Variants in SLC9A8 observed in about 807,000 individuals in gnomAD.
SLC9A8 encodes sodium/hydrogen exchanger 8.
A neutral mutation model predicts 66.6 loss-of-function variants in SLC9A8; 48 were observed. The ratio of observed to expected loss-of-function variants is 0.72; its 90% CI spans 0.57 to 0.92. The LOEUF is 0.92. Among genes scored for constraint, SLC9A8 ranks in the 40% least tolerant of loss-of-function variants. SLC9A8 has a pLI of 0.00. For synonymous variants in SLC9A8, 274 were observed against 282.6 expected (o/e 0.97, Z 0.31); for missense variants, 599 against 747.3 (o/e 0.80, Z 2.31).
intron 11 of SLC9A8, among the ~76,000 whole-genome samples, chr20:49,875,660 C>T (rs529699108): frequency 6.6e-6 from 1 of 152,274 alleles, no homozygotes; most frequent in East Asian, 1.9e-4. Context: ...CAGCTCTCAC[C>T]ATGTCCCTTT....
At chr20:49,845,983 C>T (rs1222131455) in intron 5 of SLC9A8, among the ~76,000 whole-genome samples, 1 of 152,148 alleles carries the variant, frequency 6.6e-6, no homozygotes, top group Non-Finnish European at 1.5e-5. Flanking sequence ...TACAGGCACA[C>T]GCCACCTTGC....
At chr20:49,842,163 AG>A (rs1241132527) in intron 4 of SLC9A8, among the ~76,000 whole-genome samples, 1 of 151,300 alleles carries the variant, frequency 6.6e-6, no homozygotes, top group Non-Finnish European at 1.5e-5. Context: ...TCCGCCTCCC[AG>A]GTTCAAGCAG....
intron 3 of SLC9A8, chr20:49,829,795 A>G: frequency 1.8e-6 from 1 of 552,704 alleles, no homozygotes; most frequent in South Asian, 1.4e-5. Context: ...AAGCAGGCCA[A>G]ACTCAGGTGA....
intron 12 of SLC9A8, 94 bp downstream of exon 12, chr20:49,878,157 C>A (rs2089497553): frequency 1.5e-6 from 1 of 675,922 alleles, no homozygotes; most frequent in Non-Finnish European, 2.3e-6. Context: ...GTTAACTGTT[C>A]AAAGTCAACA....
chr20:49,846,090 T>C (rs1178016012), intron 5 of SLC9A8, among the ~76,000 whole-genome samples: 1 of 152,114 alleles, frequency 6.6e-6, no homozygotes, highest in Admixed American at 6.5e-5. Flanking sequence ...CCACCCACCT[T>C]GGCTTCCCAA....
intron 3 of SLC9A8, 53 bp from the exon 4 acceptor site, chr20:49,839,488 G>A: frequency 8.0e-7 from 1 of 1,247,316 alleles, no homozygotes; most frequent in Non-Finnish European, 1.2e-6. Context: ...TTAAATTTGA[G>A]TAATCTTTCT....
At chr20:49,830,796 C>T in intron 3 of SLC9A8, 1 of 1,003,416 alleles carries the variant, frequency 1.0e-6, no homozygotes, top group East Asian at 2.4e-5. Context: ...GGTGCTGACC[C>T]TGGCCTAGGT....
In SLC9A8 at chr20:49,812,904, G is replaced by C. The variant is rs2086400110; in HGVS notation, c.-19G>C. 1.3e-6 allele frequency: 2 copies of C among 1,494,414 alleles called. No individual in the cohort carries two copies. The highest frequency in any genetic ancestry group is 8.9e-7 in the Non-Finnish European group (1 of 1,123,200). 92.6% of individuals were successfully genotyped at this position (1,494,414 alleles called of 1,614,324 possible). On this transcript the variant is annotated 5_prime_UTR_variant, in exon 1 of 16. Coordinates refer to ENST00000361573, the MANE Select transcript of SLC9A8 (RefSeq NM_015266.3). ...TAGCCCCGCGGCTCCGAACTCGGTG[G>C]TCCTGGAAGCTCCGCAGGATGGGGG... is the stretch of plus-strand genomic sequence containing the variant.
intron 7 of SLC9A8, among the ~76,000 whole-genome samples, chr20:49,851,456 A>G (rs1275338025): frequency 6.6e-6 from 1 of 152,212 alleles, no homozygotes; most frequent in Non-Finnish European, 1.5e-5. Context: ...AAAAGTGCCC[A>G]TGCTGAGCAT....
intron 10 of SLC9A8, among the ~76,000 whole-genome samples, chr20:49,865,606 C>T (rs1192823721): frequency 6.6e-6 from 1 of 152,116 alleles, no homozygotes; most frequent in African/African-American, 2.4e-5. Flanking sequence ...GAAGATGATG[C>T]TCACCAGCTG....
chr20:49,887,702 C>T (rs1331663959), intron 15 of SLC9A8, 127 bp from the exon 16 acceptor site: 4 of 649,416 alleles, frequency 6.2e-6, no homozygotes, highest in Non-Finnish European at 1.1e-5. Context: ...ACTGAAGTTG[C>T]CTGTGGCCAT....
At chr20:49,877,925 A>G (rs1345002147) in intron 11 of SLC9A8, 56 bp from the exon 12 acceptor site, 3 of 1,208,504 alleles carry the variant, frequency 2.5e-6, no homozygotes, top group East Asian at 2.4e-5. Context: ...ATAGTTTAGT[A>G]CCATATTGGA....
rs573555955 is a variant in SLC9A8 at position 49,864,437 on chromosome 20, A to G, written c.853-302A>G. Among the ~76,000 whole-genome samples, 27 of 152,330 alleles carry G rather than the reference A, an allele frequency of 1.8e-4. No individual in the cohort carries two copies. The South Asian group carries it at 5.4e-3, about 30-fold the overall frequency. ...CCAGCTTTGCGCCATGGCCCGGCAC[A>G]TCCCCAGCCCTCTAAGTCAGCGTTT... On this transcript the variant is annotated intron_variant, in intron 9 of 15. Transcript: ENST00000361573.
At chr20:49,833,145 CCGCCCA>C (rs932111816) in intron 3 of SLC9A8, among the ~76,000 whole-genome samples, 2 of 152,150 alleles carry the variant, frequency 1.3e-5, no homozygotes, top group African/African-American at 4.8e-5. Context: ...ACCTCGTGAT[CCGCCCA>C]CCTTGGCCTC....
chr20:49,817,326 C>T (rs768977742), intron 2 of SLC9A8, among the ~76,000 whole-genome samples: 1 of 151,478 alleles, frequency 6.6e-6, no homozygotes, highest in African/African-American at 2.4e-5. Context: ...CCCCACCCCC[C>T]CAAAAAAACA....
chr20:49,886,745 T>C lies in SLC9A8; in HGVS notation c.1492-7T>C, dbSNP rs776335101. 32 of 1,611,456 alleles carry C rather than the reference T, an allele frequency of 2.0e-5. No homozygotes were observed. In the African/African-American group the frequency reaches 3.2e-4, roughly 16 times the overall value. On this transcript the variant is annotated splice_polypyrimidine_tract_variant and splice_region_variant and intron_variant, in intron 14 of 15. Coordinates refer to ENST00000361573, the MANE Select transcript of SLC9A8 (RefSeq NM_015266.3). The surrounding 1 kb of genome is among the most constrained non-coding windows in gnomAD (Gnocchi z 4.8). ...TGGCCGTCGGGCCGCCTTTCCTCCC[T>C]GCTCAGGGCAACACTGTGGAGTCGG...
intron 12 of SLC9A8, among the ~76,000 whole-genome samples, chr20:49,880,604 CA>C (rs2089590499): frequency 6.6e-6 from 1 of 152,230 alleles, no homozygotes; most frequent in African/African-American, 2.4e-5. Flanking sequence ...TACTTCTGTA[CA>C]GCCTCTTGGC....
At position 49,886,635 on chromosome 20, in the gene SLC9A8, G is replaced by C; in HGVS notation, c.1492-117G>C. On this transcript the variant is annotated intron_variant, in intron 14 of 15. Coordinates refer to ENST00000361573, the MANE Select transcript of SLC9A8 (RefSeq NM_015266.3). The surrounding 1 kb of genome is among the most constrained non-coding windows in gnomAD (Gnocchi z 4.8). The stretch of plus-strand genomic sequence containing the variant: ...CTGCTGCCCGTCACCCTGCATTGAT[G>C]GTCAAGTGGAGTTAGGGTTGGGGAC... 8.1e-7 allele frequency: 1 copy of C among 1,228,526 alleles called. No homozygotes were observed. The highest frequency in any genetic ancestry group is 2.4e-5 in the East Asian group (1 of 41,842). 76.1% of individuals were successfully genotyped at this position (1,228,526 alleles called of 1,614,324 possible).
intron 3 of SLC9A8, among the ~76,000 whole-genome samples, chr20:49,832,304 G>A (rs747456434): frequency 3.3e-5 from 5 of 152,118 alleles, no homozygotes; most frequent in Admixed American, 6.5e-5. Flanking sequence ...CATGGTCTTC[G>A]GTGCTTCCAG....
Sources: allele counts gnomAD v4.1 joint callset (sites outside exome capture counted in the v4.1 genomes callset), GRCh38; gene constraint gnomAD v4.1.1; non-coding constraint Gnocchi (gnomAD v3.1); transcripts MANE v1.5; gene names NCBI Gene and HGNC (gene_info 2026-07-23, HGNC 2026-07-21).